Variants in CDH12 observed in about 807,000 individuals in gnomAD.
CDH12 encodes the protein cadherin 12, also known as cadherin-12.
Under a neutral mutation model 74.1 loss-of-function variants are expected in CDH12, and 41 were observed. The ratio of observed to expected loss-of-function variants is 0.55; its 90% CI spans 0.43 to 0.72. CDH12 has a LOEUF of 0.72. Ranked by LOEUF, CDH12 falls within the 30% of genes least tolerant of loss-of-function variation. The pLI is 0.00. For missense variants in CDH12, 945 were observed against 977.2 expected (o/e 0.97, Z 0.44); for synonymous variants, 399 against 355.0 (o/e 1.12, Z -1.39).
At chr5:22,591,475 C>T (rs1736317620) in intron 1 of CDH12, among the ~76,000 whole-genome samples, 1 of 152,126 alleles carries the variant, frequency 6.6e-6, no homozygotes, top group Non-Finnish European at 1.5e-5. Context: ...CCATTTATAG[C>T]TGTGAATATG....
At chr5:22,793,155 A>G (rs1748004250) in intron 1 of CDH12, among the ~76,000 whole-genome samples, 1 of 152,178 alleles carries the variant, frequency 6.6e-6, no homozygotes, top group African/African-American at 2.4e-5. Context: ...TACTGATTTC[A>G]CTGCCAGGGA....
At chr5:21,861,932 G>A (rs1751068231) in intron 6 of CDH12, among the ~76,000 whole-genome samples, 1 of 145,042 alleles carries the variant, frequency 6.9e-6, no homozygotes, top group Non-Finnish European at 1.5e-5. Flanking sequence ...GTGTGTATAA[G>A]CTGCACTCTT....
At chr5:22,821,533 A>G (rs1182108697) in intron 1 of CDH12, among the ~76,000 whole-genome samples, 1 of 152,212 alleles carries the variant, frequency 6.6e-6, no homozygotes, top group Non-Finnish European at 1.5e-5. Context: ...CAACTCCAGC[A>G]AAGTCTCAGG....
intron 1 of CDH12, among the ~76,000 whole-genome samples, chr5:22,777,099 G>A (rs1423170837): frequency 6.6e-6 from 1 of 152,008 alleles, no homozygotes; most frequent in Non-Finnish European, 1.5e-5. Context: ...TTATGTTTAA[G>A]AGAAGTTTAG....
At chr5:22,366,532 C>T (rs908414486) in intron 3 of CDH12, among the ~76,000 whole-genome samples, 3 of 152,008 alleles carry the variant, frequency 2.0e-5, no homozygotes, top group Non-Finnish European at 4.4e-5. Flanking sequence ...ATTTATTCTC[C>T]TGGAATTTCA....
chr5:22,551,585 G>A (rs530919878), intron 1 of CDH12, among the ~76,000 whole-genome samples: 1 of 152,124 alleles, frequency 6.6e-6, no homozygotes, highest in Non-Finnish European at 1.5e-5. Context: ...AAAGCTTAAC[G>A]CATAGCAAAC....
intron 8 of CDH12, 52 bp downstream of exon 8, chr5:21,842,109 T>C: frequency 7.1e-7 from 1 of 1,410,444 alleles, no homozygotes; most frequent in Non-Finnish European, 9.7e-7. Flanking sequence ...AATGACACCA[T>C]TAAATTTTTT....
chr5:22,414,816 TA>T (rs1170955099), intron 2 of CDH12, among the ~76,000 whole-genome samples: 4 of 151,838 alleles, frequency 2.6e-5, no homozygotes, highest in African/African-American at 9.7e-5. Flanking sequence ...AAAATTTTAA[TA>T]GAAACAAAAA....
Position 21,751,373 on chromosome 5 carries a change from T to A in CDH12, c.*364A>T. 4.7e-6 allele frequency: 1 copy of A among 211,382 alleles called. No individual in the cohort carries two copies. The highest frequency in any genetic ancestry group is 5.2e-5 in the Admixed American group (1 of 19,166). The allele number at this position is 211,382 out of a possible 1,614,324, so 13.1% of individuals were successfully genotyped here. A position where few individuals can be genotyped will look rare whatever the true frequency, so the allele number is the denominator to read the frequency against. On this transcript the variant is annotated 3_prime_UTR_variant, in exon 15 of 15. Transcript: ENST00000382254. ...CACTTTAGTGGAATTAAGAAAAATC[T>A]AACACTCTTCCACCGTGATGCCACA...
At chr5:21,895,221 T>G (rs1216042425) in intron 6 of CDH12, among the ~76,000 whole-genome samples, 1 of 152,150 alleles carries the variant, frequency 6.6e-6, no homozygotes, top group Non-Finnish European at 1.5e-5. Context: ...AAATGGAATG[T>G]ATCTCCCCCT....
chr5:22,651,453 C>T (rs1299271149), intron 1 of CDH12, among the ~76,000 whole-genome samples: 1 of 152,018 alleles, frequency 6.6e-6, no homozygotes, highest in African/African-American at 2.4e-5. Flanking sequence ...GAAACTTCTT[C>T]ACAAGGTGAT....
chr5:22,438,295 G>A (rs1025128759), intron 2 of CDH12, among the ~76,000 whole-genome samples: 2 of 151,894 alleles, frequency 1.3e-5, no homozygotes, highest in Admixed American at 6.6e-5. Flanking sequence ...TTCTCCTACA[G>A]AATGTAAAGA....
intron 1 of CDH12, among the ~76,000 whole-genome samples, chr5:22,542,956 G>T (rs1738169199): frequency 6.6e-6 from 1 of 152,182 alleles, no homozygotes; most frequent in South Asian, 2.1e-4. Flanking sequence ...CAAGTAAAAA[G>T]ATTATTTTTG....
chr5:22,529,148 C>CAT (rs1286817599), intron 1 of CDH12, among the ~76,000 whole-genome samples: 3 of 95,110 alleles, frequency 3.2e-5, no homozygotes, highest in Non-Finnish European at 4.6e-5. Flanking sequence ...TATATATACA[C>CAT]ATATATATAC....
chr5:22,416,668 T>A (rs1055030768), intron 2 of CDH12, among the ~76,000 whole-genome samples: 12 of 151,718 alleles, frequency 7.9e-5, no homozygotes, highest in African/African-American at 2.9e-4. Context: ...ATAAAAAAAA[T>A]AAGATTAGTA....
chr5:21,831,278 T>C (rs1191997296), intron 8 of CDH12, among the ~76,000 whole-genome samples: 3 of 152,150 alleles, frequency 2.0e-5, no homozygotes, highest in Admixed American at 6.5e-5. Context: ...GCTATCCACT[T>C]ACGTTCTGCT....
chr5:22,341,899 G>C (rs1190810605), intron 3 of CDH12, among the ~76,000 whole-genome samples: 1 of 151,962 alleles, frequency 6.6e-6, no homozygotes, highest in Non-Finnish European at 1.5e-5. Flanking sequence ...GCAAAAGATG[G>C]AGAGAGTGTC....
intron 6 of CDH12, chr5:21,882,463 T>A (rs1752401492): frequency 1.5e-6 from 1 of 656,414 alleles, no homozygotes; most frequent in Non-Finnish European, 2.8e-6. Flanking sequence ...TGTCTGTATG[T>A]TCCATTTATA....
At chr5:21,794,883 A>G (rs1345047817) in intron 10 of CDH12, among the ~76,000 whole-genome samples, 1 of 151,372 alleles carries the variant, frequency 6.6e-6, no homozygotes, top group Non-Finnish European at 1.5e-5. Flanking sequence ...ATTTTGTATA[A>G]CTCTAATCAG....
Sources: allele counts gnomAD v4.1 joint callset (sites outside exome capture counted in the v4.1 genomes callset), GRCh38; gene constraint gnomAD v4.1.1; transcripts MANE v1.5; gene names NCBI Gene and HGNC (gene_info 2026-07-23, HGNC 2026-07-21).